Variants in WDFY4 observed in about 807,000 individuals in gnomAD.
WDFY4 encodes the protein WD repeat- and FYVE domain-containing protein 4.
WDFY4 carries 169 observed loss-of-function variants against 351.9 expected under a neutral mutation model. The observed-to-expected ratio is 0.48, with a 90% CI of 0.42 to 0.55. The LOEUF is 0.55. WDFY4 is among the 20% of genes least tolerant of loss of function. WDFY4 has a pLI of 0.00. For missense variants in WDFY4, 3,803 were observed against 3,935.6 expected, an observed-to-expected ratio of 0.97 and a Z score of 0.90; for synonymous variants, 1,622 against 1,574.6, an observed-to-expected ratio of 1.03 and a Z score of -0.71.
At chr10:48,927,224 G>A (rs1294825764) in intron 47 of WDFY4, among the ~76,000 whole-genome samples, 1 of 151,972 alleles carries the variant, frequency 6.6e-6, no homozygotes, top group Non-Finnish European at 1.5e-5. Context: ...TGCCTCCCCC[G>A]AACCCTCCCC....
chr10:48,978,516 G>A, intron 60 of WDFY4, 123 bp downstream of exon 60: 2 of 904,716 alleles, frequency 2.2e-6, no homozygotes, highest in Admixed American at 3.1e-5. Flanking sequence ...GGAGGCCTAG[G>A]AAGGCACAGA....
intron 12 of WDFY4, among the ~76,000 whole-genome samples, chr10:48,758,293 G>T (rs575264969): frequency 6.6e-6 from 1 of 152,040 alleles, no homozygotes; most frequent in Non-Finnish European, 1.5e-5. Context: ...TCAAATTGTC[G>T]TTCCCTTAAA....
At chr10:48,792,570 T>G (rs1169947483) in intron 23 of WDFY4, among the ~76,000 whole-genome samples, 3 of 152,318 alleles carry the variant, frequency 2.0e-5, no homozygotes, top group African/African-American at 7.2e-5. Context: ...AGTAGTAGGA[T>G]CTATTCTAAT....
intron 1 of WDFY4, among the ~76,000 whole-genome samples, chr10:48,691,549 C>T (rs1308260458): frequency 6.6e-6 from 1 of 152,216 alleles, no homozygotes; most frequent in Non-Finnish European, 1.5e-5. Context: ...GGCTGTCTGC[C>T]TCCTCCCCTT....
intron 53 of WDFY4, among the ~76,000 whole-genome samples, chr10:48,961,012 AC>A (rs1841836208): frequency 6.6e-6 from 1 of 152,246 alleles, no homozygotes; most frequent in Non-Finnish European, 1.5e-5. Flanking sequence ...TGGTTACATG[AC>A]TGAATGAATT....
chr10:48,752,196 C>T (rs930769379), intron 12 of WDFY4, among the ~76,000 whole-genome samples: 7 of 152,198 alleles, frequency 4.6e-5, no homozygotes, highest in Non-Finnish European at 1.0e-4. Context: ...TGTAGACCAC[C>T]TGCATCAGAA....
At chr10:48,860,827 T>C (rs1476765400) in intron 39 of WDFY4, among the ~76,000 whole-genome samples, 1 of 152,232 alleles carries the variant, frequency 6.6e-6, no homozygotes, top group African/African-American at 2.4e-5. Context: ...TTTGAGGATT[T>C]CTTGTTATCC....
chr10:48,887,208 G>A (rs906482766), intron 43 of WDFY4, among the ~76,000 whole-genome samples: 1 of 152,258 alleles, frequency 6.6e-6, no homozygotes. Context: ...TGTGGTGGGG[G>A]CCTGGTGTCA....
chr10:48,692,284 G>T (rs1025787994), intron 1 of WDFY4, among the ~76,000 whole-genome samples: 22 of 152,222 alleles, frequency 1.4e-4, no homozygotes, highest in Non-Finnish European at 2.5e-4. Context: ...TCACACACCT[G>T]TGGGCCTGTG....
intron 12 of WDFY4, among the ~76,000 whole-genome samples, chr10:48,755,710 C>T (rs1193978544): frequency 6.6e-6 from 1 of 152,058 alleles, no homozygotes; most frequent in Non-Finnish European, 1.5e-5. Context: ...ATTTCATTGA[C>T]TTATGTGTCT....
intron 47 of WDFY4, chr10:48,913,835 C>T: frequency 6.2e-7 from 1 of 1,614,050 alleles, no homozygotes; most frequent in Non-Finnish European, 8.5e-7. Flanking sequence ...TGCTGGTCAG[C>T]CGGTTGTTGC....
intron 54 of WDFY4, among the ~76,000 whole-genome samples, chr10:48,965,271 A>C (rs143584441): frequency 4.4e-4 from 67 of 152,204 alleles, no homozygotes; most frequent in African/African-American, 1.4e-3. Flanking sequence ...CTGACTACTC[A>C]ACAATGTGTC....
Position 48,697,849 on chromosome 10 carries a change from C to T in WDFY4, c.-17-11867C>T, listed in dbSNP as rs548568143. ...CCATGCTGGCCTCCCTTTTCTGGTC[C>T]CACATGACTTTAGGTGGCATCTTGT... On this transcript the variant is annotated intron_variant, in intron 1 of 61. Coordinates refer to ENST00000325239, the MANE Select transcript of WDFY4 (RefSeq NM_001394531.1). Among the ~76,000 whole-genome samples the T allele has an allele frequency of 1.2e-4, 18 of 152,334 alleles. 1 individual carries two copies. The South Asian group carries it at 2.1e-3, about 18-fold the overall frequency.
intron 39 of WDFY4, among the ~76,000 whole-genome samples, chr10:48,858,539 C>G (rs2069223092): frequency 6.6e-6 from 1 of 152,194 alleles, no homozygotes. Context: ...TCTGGATTCT[C>G]TCTTCTGTTC....
intron 1 of WDFY4, among the ~76,000 whole-genome samples, chr10:48,691,406 T>C (rs564125192): frequency 1.3e-5 from 2 of 152,164 alleles, no homozygotes; most frequent in East Asian, 3.9e-4. Context: ...AGCCTGACCC[T>C]AGCTCCACAC....
chr10:48,792,327 C>T (rs934907497), intron 23 of WDFY4, among the ~76,000 whole-genome samples: 5 of 152,238 alleles, frequency 3.3e-5, no homozygotes, highest in East Asian at 1.9e-4. Flanking sequence ...GGGCACATCC[C>T]GTTTTAATTG....
At chr10:48,908,008 GCATCTGAT>G (rs1837710038) in intron 47 of WDFY4, among the ~76,000 whole-genome samples, 1 of 152,336 alleles carries the variant, frequency 6.6e-6, no homozygotes, top group Admixed American at 6.5e-5. Flanking sequence ...TGGGCCATGA[GCATCTGAT>G]CCCTGGCCAT....
intron 49 of WDFY4, among the ~76,000 whole-genome samples, chr10:48,944,700 C>T (rs530052958): frequency 7.8e-4 from 119 of 152,296 alleles, no homozygotes; most frequent in African/African-American, 2.7e-3. Flanking sequence ...AATGGTCCAT[C>T]GGAGGCTGAG....
intron 39 of WDFY4, among the ~76,000 whole-genome samples, chr10:48,836,207 C>T (rs1343432509): frequency 6.6e-6 from 1 of 152,186 alleles, no homozygotes; most frequent in African/African-American, 2.4e-5. Context: ...GCTGATTACA[C>T]CTCAGTGAGC....
Sources: gnomAD v4.1 joint callset for allele counts (sites outside exome capture counted in the v4.1 genomes callset) on GRCh38, gnomAD v4.1.1 for gene constraint, MANE v1.5 for transcripts, NCBI Gene and HGNC (gene_info 2026-07-23, HGNC 2026-07-21) for gene names.